PAM: variants seen among roughly 807,000 people sequenced by gnomAD.
The protein encoded by PAM is peptidylglycine alpha-amidating monooxygenase.
PAM carries 72 observed loss-of-function variants against 122.1 expected under a neutral mutation model. The observed-to-expected ratio is 0.59, with a 90% CI of 0.49 to 0.72. The LOEUF (loss-of-function observed/expected upper bound fraction) is 0.72, where lower values mean the gene tolerates loss of function less well. PAM is among the 30% of genes least tolerant of loss of function. The probability of loss-of-function intolerance (pLI) is 0.00; values close to 1 mark genes in which losing one functional copy is unlikely to be tolerated. For synonymous variants in PAM, 389 were observed against 404.4 expected, an observed-to-expected ratio of 0.96 and a Z score of 0.46; for missense variants, 1,106 against 1,183.7, an observed-to-expected ratio of 0.93 and a Z score of 0.96.
At chr5:102,986,584 C>CA (rs1047871945) in intron 15 of PAM, among the ~76,000 whole-genome samples, 15 of 151,778 alleles carry the variant, frequency 9.9e-5, no homozygotes, top group African/African-American at 2.4e-4. Context: ...AAAATGACAC[C>CA]AAAAAAATGG....
intron 3 of PAM, chr5:102,873,862 C>G (rs1252476000): frequency 6.6e-6 from 1 of 152,080 alleles, no homozygotes; most frequent in Non-Finnish European, 1.5e-5. Context: ...TCGTTTTCTT[C>G]TATTTTTTTT....
chr5:102,819,192 C>T (rs1017439347), intron 1 of PAM, among the ~76,000 whole-genome samples: 2 of 152,128 alleles, frequency 1.3e-5, no homozygotes, highest in African/African-American at 4.8e-5. Flanking sequence ...TATAATTGTA[C>T]TTGCACATTT....
intron 16 of PAM, among the ~76,000 whole-genome samples, chr5:102,991,402 G>T (rs913250182): frequency 6.6e-6 from 1 of 152,050 alleles, no homozygotes; most frequent in African/African-American, 2.4e-5. Context: ...TACATAGGGA[G>T]ATAAATTTTA....
rs896482310 is a variant in PAM at position 102,804,036 on chromosome 5, A to AG, written c.-374+48695dup. Among the ~76,000 whole-genome samples, 4 of 152,066 alleles carry AG rather than the reference A, an allele frequency of 2.6e-5. No homozygotes were observed. The East Asian group carries it at 5.8e-4, about 22-fold the overall frequency. ...GAAACAGGAGAAGTGTGAGGGTTGC[A>AG]GGGGGGGATGGGGAGATAGATGTGG... On this transcript the variant is annotated intron_variant, in intron 1 of 25. Transcript: ENST00000438793.
At chr5:103,002,796 C>T (rs187603852) in intron 16 of PAM, among the ~76,000 whole-genome samples, 7 of 152,244 alleles carry the variant, frequency 4.6e-5, no homozygotes, top group Admixed American at 4.6e-4. Context: ...TCCAGTAGGT[C>T]TGAAACTGCA....
chr5:102,805,314 C>T (rs895432926), intron 1 of PAM, among the ~76,000 whole-genome samples: 2 of 152,060 alleles, frequency 1.3e-5, no homozygotes, highest in African/African-American at 2.4e-5. Flanking sequence ...ATGATCTGCT[C>T]GCCTCAGCCT....
At chr5:102,914,998 C>T (rs1802664457) in intron 5 of PAM, among the ~76,000 whole-genome samples, 1 of 152,056 alleles carries the variant, frequency 6.6e-6, no homozygotes, top group Non-Finnish European at 1.5e-5. Context: ...TTTCTACCCC[C>T]ATAAGTTTAC....
chr5:102,909,841 C>T (rs62362489), intron 4 of PAM, among the ~76,000 whole-genome samples: 52,957 of 151,666 alleles, frequency 0.35, 9,603 homozygotes, highest in African/African-American at 0.44. Context: ...ATCCCTAATA[C>T]ATACAAGCAA....
chr5:102,788,862 G>A (rs879747253), intron 1 of PAM, among the ~76,000 whole-genome samples: 17 of 152,186 alleles, frequency 1.1e-4, no homozygotes, highest in Middle Eastern at 3.4e-3. Flanking sequence ...AAATACATAT[G>A]TGTCATCTGA....
At chr5:102,993,236 A>G (rs960087375) in intron 16 of PAM, among the ~76,000 whole-genome samples, 2 of 152,106 alleles carry the variant, frequency 1.3e-5, no homozygotes, top group African/African-American at 4.8e-5. Flanking sequence ...AACTTTAAAG[A>G]GTCTCTTGTC....
chr5:103,003,075 A>G lies in PAM; in HGVS notation c.1656A>G (p.Gly552=). 1 of 1,608,448 alleles carries G rather than the reference A, an allele frequency of 6.2e-7. No homozygotes were observed. Among genetic ancestry groups the G allele is most frequent in the Non-Finnish European group, 8.5e-7 (1 of 1,175,044 alleles). ...SKFVYQQIGL[G]PIEEDTILVI... Reference sequence around the variant, plus strand: ...TTGTTTACCAGCAAATAGGACTCGGACCAATTGAAGAAGACACTATTCTTG... The same window carrying G: ...TTGTTTACCAGCAAATAGGACTCGGGCCAATTGAAGAAGACACTATTCTTG... Residue 552 remains glycine, a synonymous_variant, in exon 17 of 26, where the codon GGA becomes GGG. Coordinates refer to ENST00000438793, the MANE Select transcript of PAM (RefSeq NM_001177306.2).
At chr5:102,812,397 G>A (rs1768197100) in intron 1 of PAM, among the ~76,000 whole-genome samples, 1 of 151,976 alleles carries the variant, frequency 6.6e-6, no homozygotes, top group South Asian at 2.1e-4. Flanking sequence ...TGGTAAAGAT[G>A]CAGAAGAGAG....
At chr5:102,936,864 C>G (rs1232382540) in intron 7 of PAM, among the ~76,000 whole-genome samples, 1 of 152,104 alleles carries the variant, frequency 6.6e-6, no homozygotes, top group East Asian at 1.9e-4. Context: ...AACTGGCGCT[C>G]AAATTTTCCT....
chr5:102,983,060 A>C (rs953987547), intron 15 of PAM, among the ~76,000 whole-genome samples: 1 of 152,112 alleles, frequency 6.6e-6, no homozygotes, highest in African/African-American at 2.4e-5. Flanking sequence ...GAAGAATTTA[A>C]TCAAATGAAA....
At chr5:102,858,668 C>CAT (rs1335575258) in intron 1 of PAM, among the ~76,000 whole-genome samples, 1 of 152,136 alleles carries the variant, frequency 6.6e-6, no homozygotes, top group African/African-American at 2.4e-5. Context: ...TTTTAAAATG[C>CAT]ATATATTCCT....
chr5:103,020,533 C>T (rs1199778528), intron 23 of PAM, among the ~76,000 whole-genome samples: 1 of 152,020 alleles, frequency 6.6e-6, no homozygotes, highest in Non-Finnish European at 1.5e-5. Context: ...ATATGGAGTC[C>T]CTGTCAACTT....
intron 16 of PAM, among the ~76,000 whole-genome samples, chr5:103,000,012 G>T (rs1776913389): frequency 6.6e-6 from 1 of 152,144 alleles, no homozygotes. Context: ...CAGAAAATGG[G>T]TTTTTCTTTT....
intron 3 of PAM, among the ~76,000 whole-genome samples, chr5:102,900,254 T>TGTGTGTGTCG (rs777616737): frequency 2.2e-4 from 6 of 26,978 alleles, no homozygotes; most frequent in African/African-American, 1.0e-3. Flanking sequence ...TGTGTGTGTG[T>TGTGTGTGTCG]GGGGGGGGGG....
chr5:102,832,419 C>G (rs1249557303), intron 1 of PAM, among the ~76,000 whole-genome samples: 1 of 151,902 alleles, frequency 6.6e-6, no homozygotes, highest in African/African-American at 2.4e-5. Context: ...TCCAAGACAC[C>G]CCACTAGATT....
Sources: allele counts gnomAD v4.1 joint callset (sites outside exome capture counted in the v4.1 genomes callset), GRCh38; gene constraint gnomAD v4.1.1; transcripts MANE v1.5; gene names NCBI Gene and HGNC (gene_info 2026-07-23, HGNC 2026-07-21).